ANO3: variants seen among roughly 807,000 people sequenced by gnomAD.
ANO3 encodes anoctamin 3, also known as anoctamin-3.
ANO3 carries 99 observed loss-of-function variants against 144.8 expected under a neutral mutation model. The observed-to-expected ratio is 0.68, with a 90% confidence interval of 0.58 to 0.81. The LOEUF (loss-of-function observed/expected upper bound fraction) is 0.81, where lower values mean the gene tolerates loss of function less well. ANO3 is among the 30% of genes least tolerant of loss of function. The probability of loss-of-function intolerance (pLI) is 0.00; values close to 1 mark genes in which losing one functional copy is unlikely to be tolerated. For missense variants in ANO3, 905 were observed against 1,202.2 expected, an observed-to-expected ratio of 0.75 and a Z score of 3.66; for synonymous variants, 414 against 392.6, an observed-to-expected ratio of 1.05 and a Z score of -0.64.
chr11:26,315,544 A>G (rs527636664), intron 1 of ANO3, among the ~76,000 whole-genome samples: 1 of 152,290 alleles, frequency 6.6e-6, no homozygotes, highest in Admixed American at 6.5e-5. Flanking sequence ...ATTAGAAAGA[A>G]TTGACTGTTC....
At chr11:26,445,481 C>A (rs1281175951) in intron 3 of ANO3, among the ~76,000 whole-genome samples, 2 of 152,054 alleles carry the variant, frequency 1.3e-5, no homozygotes, top group Non-Finnish European at 2.9e-5. Flanking sequence ...TAATTGGATG[C>A]TCGTAACTTT....
intron 1 of ANO3, among the ~76,000 whole-genome samples, chr11:26,366,002 A>T (rs113613871): frequency 0.94 from 131,750 of 140,394 alleles, 61,834 homozygotes; most frequent in East Asian, 1. Flanking sequence ...ATATATATAT[A>T]TTTTAATTAT....
At chr11:26,426,393 G>T (rs1228276457) in intron 1 of ANO3, among the ~76,000 whole-genome samples, 1 of 151,962 alleles carries the variant, frequency 6.6e-6, no homozygotes, top group Admixed American at 6.6e-5. Flanking sequence ...TTTAGGGAGG[G>T]TAGTTTGGCA....
chr11:26,355,349 C>A (rs144432788), intron 1 of ANO3, among the ~76,000 whole-genome samples: 3 of 151,946 alleles, frequency 2.0e-5, no homozygotes, highest in Non-Finnish European at 4.4e-5. Flanking sequence ...TTCCTTTCAT[C>A]ACTTTTATAG....
intron 1 of ANO3, among the ~76,000 whole-genome samples, chr11:26,289,059 G>T (rs1242796394): frequency 6.6e-6 from 1 of 152,036 alleles, no homozygotes; most frequent in African/African-American, 2.4e-5. Context: ...CAATGGCCTA[G>T]GCCTTAGGAA....
At chr11:26,345,069 A>G (rs192499298) in intron 1 of ANO3, among the ~76,000 whole-genome samples, 2 of 152,334 alleles carry the variant, frequency 1.3e-5, no homozygotes, top group African/African-American at 4.8e-5. Flanking sequence ...TCCTCATGTA[A>G]TCTGAGACTG....
intron 1 of ANO3, among the ~76,000 whole-genome samples, chr11:26,246,456 T>TTATA (rs150219099): frequency 0.062 from 8,636 of 139,766 alleles, 288 homozygotes; most frequent in East Asian, 0.17. Context: ...AGTGTAGTCT[T>TTATA]TATATATATA....
chr11:26,613,008 G>T (rs1852144310), intron 17 of ANO3, among the ~76,000 whole-genome samples: 1 of 152,068 alleles, frequency 6.6e-6, no homozygotes, highest in Non-Finnish European at 1.5e-5. Flanking sequence ...GGACTTTTGA[G>T]CTTCCTGAAT....
chr11:26,612,489 T>A (rs61878601), intron 17 of ANO3, among the ~76,000 whole-genome samples: 4,600 of 150,732 alleles, frequency 0.031, 103 homozygotes, highest in Non-Finnish European at 0.049. Flanking sequence ...TGTTTTTTAT[T>A]ATTTGAATTT....
At chr11:26,613,280 G>A (rs1852153555) in intron 17 of ANO3, among the ~76,000 whole-genome samples, 1 of 152,068 alleles carries the variant, frequency 6.6e-6, no homozygotes, top group Non-Finnish European at 1.5e-5. Flanking sequence ...TGTTGGAACT[G>A]TCAATTGTAT....
chr11:26,412,798 G>GTGTGTGTGTGTGTT (rs1857467531), intron 1 of ANO3, among the ~76,000 whole-genome samples: 2 of 148,466 alleles, frequency 1.3e-5, no homozygotes, highest in Non-Finnish European at 3.0e-5. Context: ...AAAGGAAAGT[G>GTGTGTGTGTGTGTT]TGTGTGTGTG....
At chr11:26,632,828 A>G (rs977709613) in intron 18 of ANO3, among the ~76,000 whole-genome samples, 3 of 152,178 alleles carry the variant, frequency 2.0e-5, no homozygotes, top group African/African-American at 7.2e-5. Context: ...AATCTACACA[A>G]TAAAAAGTAC....
chr11:26,253,506 A>G (rs566145370), intron 1 of ANO3, among the ~76,000 whole-genome samples: 379 of 152,104 alleles, frequency 2.5e-3, no homozygotes, highest in Non-Finnish European at 4.2e-3. Flanking sequence ...CCACCATGAC[A>G]CAAGTTTACC....
At chr11:26,553,137 T>G in intron 12 of ANO3, 112 bp from the exon 13 acceptor site, 1 of 773,612 alleles carries the variant, frequency 1.3e-6, no homozygotes, top group Non-Finnish European at 2.2e-6. Flanking sequence ...TTCTTCTCCT[T>G]TTCCTCTCTG....
chr11:26,604,044 CTTAT>C, intron 17 of ANO3, among the ~76,000 whole-genome samples: 1 of 152,194 alleles, frequency 6.6e-6, no homozygotes, highest in Non-Finnish European at 1.5e-5. Context: ...AACACTAGAA[CTTAT>C]TTATTCTATC....
At chr11:26,397,634 C>A (rs1857049315) in intron 1 of ANO3, among the ~76,000 whole-genome samples, 1 of 151,966 alleles carries the variant, frequency 6.6e-6, no homozygotes, top group Admixed American at 6.6e-5. Context: ...ATATAATGTA[C>A]AGTGATCAGA....
intron 1 of ANO3, among the ~76,000 whole-genome samples, chr11:26,360,242 A>G (rs1855892103): frequency 8.2e-6 from 1 of 121,710 alleles, no homozygotes. Context: ...TTTTAACTAT[A>G]TATGGTTTTC....
chr11:26,621,554 A>G (rs927877918), intron 17 of ANO3, among the ~76,000 whole-genome samples: 2 of 152,142 alleles, frequency 1.3e-5, no homozygotes, highest in African/African-American at 4.8e-5. Context: ...TCTATAAAAT[A>G]GTACTCTCTG....
chr11:26,405,357 T>G (rs1413645788), intron 1 of ANO3, among the ~76,000 whole-genome samples: 2 of 151,860 alleles, frequency 1.3e-5, no homozygotes, highest in Non-Finnish European at 2.9e-5. Context: ...TTCTTGGAGT[T>G]ATTTTCTTCA....
Sources: gnomAD v4.1 joint callset for allele counts (sites outside exome capture counted in the v4.1 genomes callset) on GRCh38, gnomAD v4.1.1 for gene constraint, MANE v1.5 for transcripts, NCBI Gene and HGNC (gene_info 2026-07-23, HGNC 2026-07-21) for gene names.